GABRB1: variants seen among roughly 807,000 people sequenced by gnomAD.
The protein encoded by GABRB1 is gamma-aminobutyric acid type A receptor subunit beta1, also known as gamma-aminobutyric acid receptor subunit beta-1.
A neutral mutation model predicts 51.6 loss-of-function variants in GABRB1; 17 were observed. That is an observed-to-expected ratio of 0.33 (90% CI 0.23 to 0.49). GABRB1 has a LOEUF of 0.49. Among genes scored for constraint, GABRB1 ranks in the 20% least tolerant of loss-of-function variants. The probability of loss-of-function intolerance (pLI) is 0.99; values close to 1 mark genes in which losing one functional copy is unlikely to be tolerated. For missense variants in GABRB1, 410 were observed against 600.6 expected, an observed-to-expected ratio of 0.68 and a Z score of 3.32; for synonymous variants, 247 against 218.9, an observed-to-expected ratio of 1.13 and a Z score of -1.14.
At chr4:46,996,715 T>C (rs1488252725) in intron 1 of GABRB1, among the ~76,000 whole-genome samples, 1 of 152,220 alleles carries the variant, frequency 6.6e-6, no homozygotes, top group Non-Finnish European at 1.5e-5. Flanking sequence ...TGCCAGTTTC[T>C]ATAGACTGTC....
At chr4:47,088,460 T>TG (rs779160417) in intron 3 of GABRB1, among the ~76,000 whole-genome samples, 1 of 152,130 alleles carries the variant, frequency 6.6e-6, no homozygotes, top group Non-Finnish European at 1.5e-5. Flanking sequence ...GGTGCTAGGC[T>TG]GGGGGAAGAG....
intron 5 of GABRB1, among the ~76,000 whole-genome samples, chr4:47,374,060 T>G: frequency 6.6e-6 from 1 of 152,088 alleles, no homozygotes. Context: ...CCATACACCA[T>G]GCAAAGCCCT....
chr4:47,052,840 C>T (rs1452242481), intron 3 of GABRB1, among the ~76,000 whole-genome samples: 1 of 151,822 alleles, frequency 6.6e-6, no homozygotes, highest in Non-Finnish European at 1.5e-5. Context: ...TGAAAGAAGG[C>T]AACAGAAAGA....
chr4:47,007,895 A>ATATATATATATATATATATATATAT (rs375965914), intron 1 of GABRB1, among the ~76,000 whole-genome samples: 184 of 17,436 alleles, frequency 0.011, 10 homozygotes, highest in South Asian at 0.03. Flanking sequence ...TATATATATA[A>ATATATATATATATATATATATATAT]AATCAAGTTT....
chr4:47,414,297 G>A (rs1259064871), intron 8 of GABRB1, among the ~76,000 whole-genome samples: 1 of 152,218 alleles, frequency 6.6e-6, no homozygotes, highest in Non-Finnish European at 1.5e-5. Flanking sequence ...TCAGAGCACA[G>A]TTTTGCTTTA....
At chr4:47,306,855 G>A (rs781465238) in intron 4 of GABRB1, among the ~76,000 whole-genome samples, 10 of 152,082 alleles carry the variant, frequency 6.6e-5, no homozygotes, top group Non-Finnish European at 1.2e-4. Context: ...ATATGCACTA[G>A]AGGTGTGTAT....
At chr4:47,354,248 CTTAAT>C (rs1295971947) in intron 5 of GABRB1, among the ~76,000 whole-genome samples, 2 of 152,262 alleles carry the variant, frequency 1.3e-5, no homozygotes, top group Non-Finnish European at 2.9e-5. Flanking sequence ...ATTTAATATG[CTTAAT>C]ATTAATGTGT....
chr4:47,252,095 G>GC lies in GABRB1; in HGVS notation c.462-68025dup, dbSNP rs891506731. On this transcript the variant is annotated intron_variant, in intron 4 of 8. Coordinates refer to ENST00000295454, the MANE Select transcript of GABRB1 (RefSeq NM_000812.4). ...TCCCGCCACCGCCCCCCACCCCGCT[G>GC]CCCCCCCTCCTACTCCTCTGGATGC... 1.7e-4 allele frequency among the ~76,000 whole-genome samples: 10 copies of GC among 57,514 alleles called. No homozygotes were observed. The South Asian group carries it at 2.5e-3, about 14-fold the overall frequency. 37.7% of individuals were successfully genotyped at this position (57,514 alleles called of 152,430 possible). A position where few individuals can be genotyped will look rare whatever the true frequency, so the allele number is the denominator to read the frequency against.
intron 8 of GABRB1, among the ~76,000 whole-genome samples, chr4:47,409,701 A>G (rs980478870): frequency 2.6e-5 from 4 of 152,180 alleles, no homozygotes. Flanking sequence ...TTGCCGGGGA[A>G]CTACCCCCTT....
At chr4:47,190,006 T>A (rs1030842891) in intron 4 of GABRB1, among the ~76,000 whole-genome samples, 1 of 152,170 alleles carries the variant, frequency 6.6e-6, no homozygotes, top group South Asian at 2.1e-4. Flanking sequence ...CCAGAAAGAT[T>A]TGGAAACTGC....
intron 4 of GABRB1, among the ~76,000 whole-genome samples, chr4:47,286,526 G>C (rs1329919131): frequency 1.3e-5 from 2 of 151,972 alleles, no homozygotes; most frequent in Non-Finnish European, 2.9e-5. Context: ...CTCCTGCTAC[G>C]CCAGAACACT....
chr4:47,366,057 G>A (rs1181464172), intron 5 of GABRB1, among the ~76,000 whole-genome samples: 3 of 152,154 alleles, frequency 2.0e-5, no homozygotes, highest in African/African-American at 7.2e-5. Context: ...TATGTCATAG[G>A]CAAATTTAAT....
chr4:47,348,347 T>C (rs1464746573), intron 5 of GABRB1, among the ~76,000 whole-genome samples: 1 of 152,212 alleles, frequency 6.6e-6, no homozygotes, highest in African/African-American at 2.4e-5. Flanking sequence ...GGAATGATGG[T>C]GATGCCAAAA....
intron 5 of GABRB1, among the ~76,000 whole-genome samples, chr4:47,334,990 A>G (rs970224936): frequency 6.6e-6 from 1 of 152,294 alleles, no homozygotes; most frequent in East Asian, 1.9e-4. Context: ...TCACCTCTCT[A>G]TGTAATTAAT....
chr4:47,348,963 G>A (rs1726207261), intron 5 of GABRB1, among the ~76,000 whole-genome samples: 1 of 152,136 alleles, frequency 6.6e-6, no homozygotes, highest in Non-Finnish European at 1.5e-5. Flanking sequence ...ATAAGCAAGA[G>A]AGAAATAAAG....
intron 3 of GABRB1, among the ~76,000 whole-genome samples, chr4:47,094,762 TAA>T (rs34400036): frequency 5.2e-4 from 64 of 122,072 alleles, no homozygotes; most frequent in Admixed American, 5.9e-4. Context: ...AACTTAAAGG[TAA>T]AAAAAAAAAA....
At chr4:47,372,096 C>T (rs1727217608) in intron 5 of GABRB1, among the ~76,000 whole-genome samples, 1 of 152,098 alleles carries the variant, frequency 6.6e-6, no homozygotes, top group African/African-American at 2.4e-5. Context: ...TTTAATCCAT[C>T]TTGAGTTCAT....
upstream of GABRB1, among the ~76,000 whole-genome samples, chr4:47,027,624 A>G (rs935085985): frequency 1.6e-4 from 25 of 151,676 alleles, no homozygotes; most frequent in Admixed American, 1.6e-3. Flanking sequence ...CATTCCTATT[A>G]ACACAGGTTA....
chr4:47,195,615 TATA>T (rs1405025886), intron 4 of GABRB1, among the ~76,000 whole-genome samples: 2 of 152,182 alleles, frequency 1.3e-5, no homozygotes, highest in Middle Eastern at 3.2e-3. Flanking sequence ...AATTTCAGAC[TATA>T]ATATTTTCAT....
Sources: gnomAD v4.1 joint callset for allele counts (sites outside exome capture counted in the v4.1 genomes callset) on GRCh38, gnomAD v4.1.1 for gene constraint, MANE v1.5 for transcripts, NCBI Gene and HGNC (gene_info 2026-07-23, HGNC 2026-07-21) for gene names.